The following CLPB variants were observed in gnomAD, a reference collection of about 807,000 sequenced individuals.
CLPB encodes the protein ClpB family mitochondrial disaggregase.
A neutral mutation model predicts 78.4 loss-of-function variants in CLPB; 40 were observed. The ratio of observed to expected loss-of-function variants is 0.51; its 90% CI spans 0.40 to 0.66. The LOEUF is 0.66. Ranked by LOEUF, CLPB falls within the 30% of genes least tolerant of loss-of-function variation. CLPB has a pLI of 0.00. For missense variants in CLPB, 780 were observed against 886.9 expected (o/e 0.88, Z 1.53); for synonymous variants, 333 against 348.0 (o/e 0.96, Z 0.48).
chr11:72,372,990 C>G, intron 4 of CLPB: 1 of 1,614,068 alleles, frequency 6.2e-7, no homozygotes. Flanking sequence ...TGTGATGTGC[C>G]GGCTTGCACC....
intron 4 of CLPB, among the ~76,000 whole-genome samples, chr11:72,367,181 T>TATTATATATAATAA (rs1950960543): frequency 6.6e-6 from 1 of 152,206 alleles, no homozygotes; most frequent in Non-Finnish European, 1.5e-5. Context: ...TATTATTTTT[T>TATTATATATAATAA]GAGATGGAGT....
chr11:72,356,808 G>A (rs1950725479), intron 5 of CLPB: 1 of 152,216 alleles, frequency 6.6e-6, no homozygotes, highest in African/African-American at 2.4e-5. Flanking sequence ...TAGGAAGAGG[G>A]GCTCCTTATA....
At chr11:72,427,315 A>G (rs2135157909) in intron 2 of CLPB, among the ~76,000 whole-genome samples, 1 of 152,320 alleles carries the variant, frequency 6.6e-6, no homozygotes, top group South Asian at 2.1e-4. Flanking sequence ...AGAGAGGTCA[A>G]GTGGGGAAGA....
chr11:72,363,104 C>G (rs183987047), intron 4 of CLPB, among the ~76,000 whole-genome samples: 8 of 151,212 alleles, frequency 5.3e-5, no homozygotes, highest in African/African-American at 1.9e-4. Flanking sequence ...TGCAGTGAGC[C>G]GAGATCACGC....
intron 2 of CLPB, among the ~76,000 whole-genome samples, chr11:72,429,618 AC>A (rs996298170): frequency 3.9e-5 from 6 of 152,094 alleles, no homozygotes; most frequent in African/African-American, 1.2e-4. Flanking sequence ...CAAGAATAAG[AC>A]CTCTGCCCTT....
intron 5 of CLPB, among the ~76,000 whole-genome samples, chr11:72,334,801 T>A (rs1950290559): frequency 6.6e-6 from 1 of 152,312 alleles, no homozygotes; most frequent in South Asian, 2.1e-4. Context: ...TGTCTGGGGC[T>A]GGGGCAAACA....
intron 7 of CLPB, among the ~76,000 whole-genome samples, chr11:72,316,749 C>T (rs1949949342): frequency 6.6e-6 from 1 of 152,206 alleles, no homozygotes; most frequent in African/African-American, 2.4e-5. Flanking sequence ...AAGCTCCCAT[C>T]CCTCTCTGGG....
rs556755706 is a variant in CLPB, at chr11:72,335,288, A to C, written c.776-5484T>G. Among the ~76,000 whole-genome samples, 5 of 152,332 alleles carry C rather than the reference A, an allele frequency of 3.3e-5. No homozygotes were observed. In the South Asian group the frequency reaches 1.0e-3, roughly 32 times the overall value. ...GGAGCCCACTCCTCTTCTCTGGTTC[A>C]GTACCTGCTTTTGATTTGACGCAAT... On this transcript the variant is annotated intron_variant, in intron 5 of 15. Coordinates refer to ENST00000538039, the MANE Select transcript of CLPB (RefSeq NM_001258392.3).
chr11:72,410,755 T>C (rs1191099540), intron 2 of CLPB: 1 of 152,156 alleles, frequency 6.6e-6, no homozygotes, highest in Non-Finnish European at 1.5e-5. Flanking sequence ...GGGAAAAACA[T>C]ATCCTGCTCC....
At chr11:72,336,558 G>A (rs1328295371) in intron 5 of CLPB, 1 of 152,206 alleles carries the variant, frequency 6.6e-6, no homozygotes, top group African/African-American at 2.4e-5. Context: ...AAAAATGATT[G>A]GAAAGAAGGA....
chr11:72,373,960 C>CA (rs35682727), intron 4 of CLPB, among the ~76,000 whole-genome samples: 4,051 of 80,344 alleles, frequency 0.05, 213 homozygotes, highest in African/African-American at 0.13. Context: ...AACTCTGTCT[C>CA]AAAAAAAAAA....
In CLPB at chr11:72,288,191, CA is replaced by C. The variant is rs905124737; in HGVS notation, c.*5175del. Reference sequence around the variant, plus strand: ...CTGGTCTCATGTATTCTAGGATCCTCAATAAGGAATTTGGGGCCGGGTACAG... The same window carrying C: ...CTGGTCTCATGTATTCTAGGATCCTCATAAGGAATTTGGGGCCGGGTACAG... On this transcript the variant is annotated 3_prime_UTR_variant, in exon 16 of 16. Transcript: ENST00000538039. The C allele has an allele frequency of 1.3e-5, 2 of 152,056 alleles. No homozygotes were observed. Among genetic ancestry groups the C allele is most frequent in the African/African-American group, 4.8e-5 (2 of 41,392 alleles). 9.4% of individuals were successfully genotyped at this position (152,056 alleles called of 1,614,324 possible).
At chr11:72,300,140 T>A (rs1368975053) in intron 11 of CLPB, among the ~76,000 whole-genome samples, 1 of 152,172 alleles carries the variant, frequency 6.6e-6, no homozygotes, top group Non-Finnish European at 1.5e-5. Context: ...GCTGCCTGGG[T>A]TTGAATCCTT....
chr11:72,395,222 A>T (rs1433237404), intron 3 of CLPB, among the ~76,000 whole-genome samples: 1 of 152,180 alleles, frequency 6.6e-6, no homozygotes, highest in Non-Finnish European at 1.5e-5. Context: ...CAGCTTTCTG[A>T]GAACAAGGAG....
At chr11:72,328,133 C>G (rs1351802065) in intron 6 of CLPB, among the ~76,000 whole-genome samples, 10 of 152,134 alleles carry the variant, frequency 6.6e-5, no homozygotes, top group Non-Finnish European at 1.0e-4. Context: ...GAAAAGGATC[C>G]TCCTTCTAGG....
At chr11:72,366,320 T>A (rs1173444409) in intron 4 of CLPB, among the ~76,000 whole-genome samples, 2 of 152,116 alleles carry the variant, frequency 1.3e-5, no homozygotes, top group African/African-American at 2.4e-5. Context: ...GCTCAAGCGA[T>A]TCCTCTGTGT....
At chr11:72,395,872 C>T (rs1341808747) in intron 3 of CLPB, among the ~76,000 whole-genome samples, 1 of 152,126 alleles carries the variant, frequency 6.6e-6, no homozygotes, top group Non-Finnish European at 1.5e-5. Flanking sequence ...AGGGAGGCTG[C>T]CAGTAGTCTA....
At chr11:72,315,880 T>C (rs1949932851) in intron 7 of CLPB, among the ~76,000 whole-genome samples, 1 of 152,130 alleles carries the variant, frequency 6.6e-6, no homozygotes, top group African/African-American at 2.4e-5. Context: ...TCCCGAGGTG[T>C]TGGGTGCTGC....
At chr11:72,341,055 C>T (rs1235188291) in intron 5 of CLPB, among the ~76,000 whole-genome samples, 4 of 152,114 alleles carry the variant, frequency 2.6e-5, no homozygotes, top group African/African-American at 9.7e-5. Context: ...CTCCTGACCT[C>T]GTGATCCGCC....
Sources: allele counts gnomAD v4.1 joint callset (sites outside exome capture counted in the v4.1 genomes callset), GRCh38; gene constraint gnomAD v4.1.1; transcripts MANE v1.5; gene names NCBI Gene and HGNC (gene_info 2026-07-23, HGNC 2026-07-21).